Variants in PES1 observed in about 807,000 individuals in gnomAD.
PES1 encodes the protein pescadillo ribosomal biogenesis factor 1.
A neutral mutation model predicts 77.1 loss-of-function variants in PES1; 31 were observed. That is an observed-to-expected ratio of 0.40 (90% CI 0.30 to 0.54). The LOEUF is 0.54. Ranked by LOEUF, PES1 falls within the 20% of genes least tolerant of loss-of-function variation. The pLI, the probability that PES1 is intolerant of heterozygous loss-of-function variation, is 0.45. For missense variants in PES1, 658 were observed against 771.7 expected, an observed-to-expected ratio of 0.85 and a Z score of 1.75; for synonymous variants, 282 against 303.0, an observed-to-expected ratio of 0.93 and a Z score of 0.72.
At position 30,584,681 on chromosome 22, in the gene PES1, G is replaced by A. The variant is rs753171032; in HGVS notation, c.405C>T (p.Asp135=). The A allele has an allele frequency of 1.3e-5, 21 of 1,613,782 alleles. No individual in the cohort carries two copies. The highest frequency in any genetic ancestry group is 5.0e-5 in the Admixed American group (3 of 60,016). ...PTFIDALRDL[D]DALSMCFLFS... ...ACAGGAAGCACATGGAGAGGGCATC[G>A]TCCAGGTCCCGCAGGGCATCGATGA... The change falls in exon 5 of 15, where the codon GAC becomes GAT. Residue 135 remains aspartate (D), a synonymous_variant. Coordinates refer to ENST00000354694, the MANE Select transcript of PES1 (RefSeq NM_014303.4).
intron 2 of PES1, among the ~76,000 whole-genome samples, chr22:30,599,931 G>T (rs1402401475): frequency 2.6e-5 from 4 of 151,904 alleles, no homozygotes; most frequent in South Asian, 4.2e-4. Flanking sequence ...AAAAATAAAT[G>T]AATATATATG....
chr22:30,585,112 C>G (rs774367430), intron 4 of PES1: 2 of 385,340 alleles, frequency 5.2e-6, no homozygotes, highest in African/African-American at 4.2e-5. Flanking sequence ...AATGGGAAAC[C>G]GAAGCTGCCC....
intron 12 of PES1, 50 bp downstream of exon 12, chr22:30,579,701 A>G (rs764347362): frequency 1.9e-6 from 3 of 1,558,634 alleles, no homozygotes; most frequent in Non-Finnish European, 2.6e-6. Context: ...TAAGGGAAAC[A>G]GCCAGCGTGG....
Position 30,584,748 on chromosome 22 carries a change from C to T in PES1, c.369-31G>A. ...TGGCCAGTGAGGCAGCACATGGGGC[C>T]TGTTCAGCGTGGGTGCCAAGGGGGA... On this transcript the variant is annotated intron_variant, in intron 4 of 14. Coordinates refer to ENST00000354694, the MANE Select transcript of PES1 (RefSeq NM_014303.4). The T allele has an allele frequency of 3.1e-6, 5 of 1,610,336 alleles. No individual in the cohort carries two copies. In the South Asian group the frequency reaches 5.5e-5, roughly 18 times the overall value.
At chr22:30,594,897 C>T (rs1222050838), upstream of PES1, among the ~76,000 whole-genome samples, 1 of 152,108 alleles carries the variant, frequency 6.6e-6, no homozygotes, top group African/African-American at 2.4e-5. Flanking sequence ...GAGGCTGAGG[C>T]AAAAGGATCG....
In PES1 at chr22:30,589,227, G is replaced by A. The variant is rs375422467; in HGVS notation, c.68C>T (p.Ala23Val). The stretch of plus-strand genomic sequence containing the variant: ...CAAGCTCAGCTGGAGCTTCTTCCGG[G>A]CTTTGTTCCGGGTGATGTAGTTGGT... ...SATNYITRNK[A>V]RKKLQLSLAD... Residue 23 changes from alanine (A) to valine (V), a missense_variant, in exon 2 of 15, where the codon GCC becomes GTC. By Grantham distance (64) the Ala-to-Val change is moderately conservative (BLOSUM62 0). Coordinates refer to ENST00000354694, the MANE Select transcript of PES1 (RefSeq NM_014303.4). 7 of 1,613,918 alleles carry A rather than the reference G, an allele frequency of 4.3e-6. No homozygotes were observed. In the African/African-American group the frequency reaches 9.3e-5, roughly 22 times the overall value.
rs780619192 is a variant in PES1 at position 30,581,416 on chromosome 22, G to A, written c.748-8C>T. 6.2e-7 allele frequency: 1 copy of A among 1,613,574 alleles called. No individual in the cohort carries two copies. The highest frequency in any genetic ancestry group is 1.1e-5 in the South Asian group (1 of 91,074). ...TTGGGCCTGACCCTCGAGCTAGTAG[G>A]CAAAGGGAAGGTCAGGAGGCAGAGG... On this transcript the variant is annotated splice_region_variant and splice_polypyrimidine_tract_variant and intron_variant, in intron 7 of 14. Coordinates refer to ENST00000354694, the MANE Select transcript of PES1 (RefSeq NM_014303.4).
chr22:30,587,464 A>AAGT, intron 3 of PES1, 69 bp from the exon 4 acceptor site: 1 of 1,216,194 alleles, frequency 8.2e-7, no homozygotes, highest in Non-Finnish European at 1.2e-6. Flanking sequence ...TCCATGGAAG[A>AAGT]TGGAAACGCA....
At chr22:30,594,882 C>G (rs1185122193), upstream of PES1, among the ~76,000 whole-genome samples, 2 of 152,146 alleles carry the variant, frequency 1.3e-5, no homozygotes. Context: ...GTCCCAGCTA[C>G]TCAGGAGGCT....
upstream of PES1, among the ~76,000 whole-genome samples, chr22:30,594,414 C>G (rs574992932): frequency 6.6e-6 from 1 of 151,786 alleles, no homozygotes; most frequent in Admixed American, 6.6e-5. Context: ...CAGCTACCAG[C>G]GAGGCCAAGG....
chr22:30,585,731 TAAA>T (rs1189691770), intron 4 of PES1, among the ~76,000 whole-genome samples: 13 of 33,480 alleles, frequency 3.9e-4, no homozygotes, highest in Non-Finnish European at 6.6e-4. Flanking sequence ...GGGCAGGGGT[TAAA>T]AAAAAAAAAA....
At chr22:30,605,874 G>A (rs922865921) in intron 1 of PES1, among the ~76,000 whole-genome samples, 2 of 152,206 alleles carry the variant, frequency 1.3e-5, no homozygotes, top group African/African-American at 4.8e-5. Flanking sequence ...GTGAACCTTG[G>A]CAATTTACCA....
At chr22:30,592,387 G>A (rs2087197052), upstream of PES1, 8 of 987,682 alleles carry the variant, frequency 8.1e-6, no homozygotes, top group Non-Finnish European at 9.6e-6. Flanking sequence ...TGGTTCATTC[G>A]CGGTTATGCG....
chr22:30,579,306 A>G lies in PES1; in HGVS notation c.1355-3T>C. 1 of 1,599,932 alleles carries G rather than the reference A, an allele frequency of 6.3e-7. No homozygotes were observed. Among genetic ancestry groups the G allele is most frequent in the Non-Finnish European group, 8.5e-7 (1 of 1,179,814 alleles). ...CTCTTCTGACTCATTCAGGTTTCCTAGAGAAAGCCAATGTCCTCTGAATGC... is the reference window on the plus strand; with the variant it reads ...CTCTTCTGACTCATTCAGGTTTCCTGGAGAAAGCCAATGTCCTCTGAATGC... On this transcript the variant is annotated splice_region_variant and splice_polypyrimidine_tract_variant and intron_variant, in intron 12 of 14. Coordinates refer to ENST00000354694, the MANE Select transcript of PES1 (RefSeq NM_014303.4).
chr22:30,598,017 G>A (rs2087289636), intron 2 of PES1, among the ~76,000 whole-genome samples: 1 of 151,214 alleles, frequency 6.6e-6, no homozygotes, highest in Non-Finnish European at 1.5e-5. Flanking sequence ...CCAAGTAGCT[G>A]GGACTACAGG....
At chr22:30,588,291 G>A (rs1002004330) in intron 2 of PES1, 117 bp from the exon 3 acceptor site, 2 of 1,140,426 alleles carry the variant, frequency 1.8e-6, no homozygotes, top group South Asian at 1.4e-5. Flanking sequence ...TGCCCTTAGA[G>A]ACCTCACATC....
chr22:30,588,547 G>A (rs2087128399), intron 2 of PES1, among the ~76,000 whole-genome samples: 1 of 152,200 alleles, frequency 6.6e-6, no homozygotes, highest in Non-Finnish European at 1.5e-5. Flanking sequence ...GAAGGCTGAG[G>A]CAGGAGGATC....
intron 6 of PES1, among the ~76,000 whole-genome samples, chr22:30,583,481 T>C (rs1457928913): frequency 6.6e-6 from 1 of 152,176 alleles, no homozygotes; most frequent in Non-Finnish European, 1.5e-5. Context: ...TCCCACTCAA[T>C]GATCAAGCAA....
chr22:30,604,528 G>A (rs2087406955), intron 2 of PES1, among the ~76,000 whole-genome samples: 1 of 152,074 alleles, frequency 6.6e-6, no homozygotes, highest in Non-Finnish European at 1.5e-5. Flanking sequence ...AGCTACTCAA[G>A]AGGTTGAGGC....
Sources: allele counts gnomAD v4.1 joint callset (sites outside exome capture counted in the v4.1 genomes callset), GRCh38; gene constraint gnomAD v4.1.1; transcripts MANE v1.5; gene names NCBI Gene and HGNC (gene_info 2026-07-23, HGNC 2026-07-21).